The following GSG1L variants were observed in gnomAD, a reference collection of about 807,000 sequenced individuals.
GSG1L encodes germ cell-specific gene 1-like protein.
GSG1L carries 24 observed loss-of-function variants against 42.1 expected under a neutral mutation model. The ratio of observed to expected loss-of-function variants is 0.57; its 90% CI spans 0.41 to 0.80. The LOEUF (loss-of-function observed/expected upper bound fraction) is 0.80. GSG1L is among the 30% of genes least tolerant of loss of function. The pLI is 0.00. For synonymous variants in GSG1L, 215 were observed against 203.5 expected (o/e 1.06, Z -0.48); for missense variants, 445 against 472.2 (o/e 0.94, Z 0.53).
intron 3 of GSG1L, among the ~76,000 whole-genome samples, chr16:27,849,227 A>AGG (rs1173942054): frequency 1.3e-5 from 2 of 148,812 alleles, no homozygotes; most frequent in African/African-American, 5.0e-5. Flanking sequence ...AAAAAAAGAG[A>AGG]AAAGAAAGGG....
At chr16:27,909,195 G>A (rs35738773) in intron 2 of GSG1L, among the ~76,000 whole-genome samples, 9,886 of 152,048 alleles carry the variant, frequency 0.065, 355 homozygotes, top group Non-Finnish European at 0.085. Flanking sequence ...TGTCGCTATG[G>A]TGCTTACCTC....
intron 5 of GSG1L, among the ~76,000 whole-genome samples, chr16:27,814,295 A>G (rs2083067690): frequency 1.3e-5 from 2 of 152,036 alleles, no homozygotes; most frequent in Admixed American, 1.3e-4. Context: ...CATTTTTTGT[A>G]AAAACAGGGT....
intron 2 of GSG1L, among the ~76,000 whole-genome samples, chr16:27,891,640 T>G (rs984748304): frequency 3.3e-5 from 5 of 151,972 alleles, no homozygotes; most frequent in African/African-American, 1.2e-4. Flanking sequence ...AACCCACTAA[T>G]TTTTAATTGT....
intron 1 of GSG1L, among the ~76,000 whole-genome samples, chr16:28,009,369 C>A (rs145338563): frequency 3.4e-3 from 522 of 152,178 alleles, no homozygotes; most frequent in African/African-American, 0.012. Context: ...GCACCCCTGC[C>A]CCCCCTGCAT....
intron 1 of GSG1L, among the ~76,000 whole-genome samples, chr16:27,991,860 C>T (rs2085460578): frequency 1.3e-5 from 2 of 152,146 alleles, no homozygotes; most frequent in African/African-American, 4.8e-5. Context: ...AATCTATTTC[C>T]CATTGCCAAT....
At chr16:27,903,473 G>A (rs186377452) in intron 2 of GSG1L, among the ~76,000 whole-genome samples, 4 of 152,262 alleles carry the variant, frequency 2.6e-5, no homozygotes, top group African/African-American at 7.2e-5. Context: ...GAGTAGAGTC[G>A]TCCCCTGCGG....
intron 2 of GSG1L, among the ~76,000 whole-genome samples, chr16:27,921,878 G>A (rs1365856004): frequency 2.6e-5 from 4 of 152,140 alleles, no homozygotes; most frequent in Non-Finnish European, 4.4e-5. Context: ...AGAGACTGGG[G>A]CATCAGAATG....
intron 1 of GSG1L, among the ~76,000 whole-genome samples, chr16:28,000,141 T>C (rs2085566086): frequency 6.6e-6 from 1 of 152,172 alleles, no homozygotes; most frequent in African/African-American, 2.4e-5. Context: ...CCTTAACCAT[T>C]ACTTGCTCAC....
chr16:27,975,617 T>C (rs1473380505), intron 1 of GSG1L, among the ~76,000 whole-genome samples: 1 of 152,216 alleles, frequency 6.6e-6, no homozygotes, highest in Non-Finnish European at 1.5e-5. Context: ...TAGACTAGGC[T>C]GGAGGCTGCG....
chr16:28,025,748 G>A lies in GSG1L; in HGVS notation c.349+37328C>T, dbSNP rs550206284. ...ATCCCCTGCCTGTTCTTTTATAATT[G>A]GGACTGGCAAGGTCTGAAGTCAGAA... On this transcript the variant is annotated intron_variant, in intron 1 of 6. Transcript: ENST00000447459. 3.8e-4 allele frequency among the ~76,000 whole-genome samples: 58 copies of A among 152,330 alleles called. 2 individuals carry two copies. The South Asian group carries it at 0.012, about 31-fold the overall frequency.
chr16:27,946,318 G>A (rs2084859487), intron 2 of GSG1L, among the ~76,000 whole-genome samples: 1 of 152,018 alleles, frequency 6.6e-6, no homozygotes, highest in Non-Finnish European at 1.5e-5. Context: ...GCCAAGGTGG[G>A]CAGATCACTT....
At chr16:28,009,090 T>A (rs934875816) in intron 1 of GSG1L, among the ~76,000 whole-genome samples, 2 of 152,092 alleles carry the variant, frequency 1.3e-5, no homozygotes, top group African/African-American at 2.4e-5. Context: ...ATTACAGGAG[T>A]AAGCCACGGT....
rs1404399253 is a variant in GSG1L, at chr16:28,040,656, T to C, written c.349+22420A>G. On this transcript the variant is annotated intron_variant, in intron 1 of 6. Transcript: ENST00000447459. The surrounding 1 kb of genome is among the most constrained non-coding windows in gnomAD (Gnocchi z 4.1). ...AGAAGAGACCCGCAGGACATGAAGA[T>C]GCTCTCAGAGCCCCCAGGCCTGAGA... Among the ~76,000 whole-genome samples the C allele has an allele frequency of 1.3e-5, 2 of 152,204 alleles. No homozygotes were observed.
At chr16:27,831,829 C>T (rs976307197) in intron 4 of GSG1L, among the ~76,000 whole-genome samples, 2 of 152,218 alleles carry the variant, frequency 1.3e-5, no homozygotes, top group Non-Finnish European at 2.9e-5. Context: ...TTCTCAGGCT[C>T]TCCACATCCC....
intron 3 of GSG1L, among the ~76,000 whole-genome samples, chr16:27,873,669 G>A (rs1217403328): frequency 6.6e-6 from 1 of 152,182 alleles, no homozygotes; most frequent in African/African-American, 2.4e-5. Flanking sequence ...CAGCCCAGGG[G>A]GATGGGGGCT....
chr16:28,035,325 T>A (rs1190870823), intron 1 of GSG1L, among the ~76,000 whole-genome samples: 2 of 152,204 alleles, frequency 1.3e-5, no homozygotes, highest in East Asian at 3.8e-4. Context: ...CTGTATTTTT[T>A]AAAGTATTTG....
At chr16:27,801,176 T>A (rs2082877175) in intron 6 of GSG1L, among the ~76,000 whole-genome samples, 2 of 152,046 alleles carry the variant, frequency 1.3e-5, no homozygotes, top group Admixed American at 6.6e-5. Context: ...TGGGGCAGCA[T>A]GGGAGATGGG....
chr16:27,942,430 G>T (rs569316097), intron 2 of GSG1L, among the ~76,000 whole-genome samples: 2 of 152,160 alleles, frequency 1.3e-5, no homozygotes, highest in Non-Finnish European at 2.9e-5. Context: ...GATTATAGAC[G>T]TGAGCCACCG....
intron 5 of GSG1L, chr16:27,823,924 T>C (rs911390509): frequency 8.5e-6 from 6 of 702,758 alleles, no homozygotes; most frequent in African/African-American, 5.2e-5. Context: ...ACCTGTAAAA[T>C]GGAGGTGACA....
Sources: allele counts gnomAD v4.1 joint callset (sites outside exome capture counted in the v4.1 genomes callset), GRCh38; gene constraint gnomAD v4.1.1; non-coding constraint Gnocchi (gnomAD v3.1); transcripts MANE v1.5; gene names NCBI Gene and HGNC (gene_info 2026-07-23, HGNC 2026-07-21).